Variants in PXDNL observed in about 807,000 individuals in gnomAD.
The protein encoded by PXDNL is peroxidasin like, also known as probable oxidoreductase PXDNL.
A neutral mutation model predicts 150.8 loss-of-function variants in PXDNL; 145 were observed. The ratio of observed to expected loss-of-function variants is 0.96; its 90% confidence interval spans 0.84 to 1.10. The LOEUF (loss-of-function observed/expected upper bound fraction) is 1.10. PXDNL is among the 50% of genes least tolerant of loss of function. PXDNL has a pLI of 0.00. For missense variants in PXDNL, 2,087 were observed against 1,873.9 expected (o/e 1.11, Z -2.10); for synonymous variants, 757 against 725.7 (o/e 1.04, Z -0.69).
At chr8:51,565,489 T>G (rs951180493) in intron 3 of PXDNL, among the ~76,000 whole-genome samples, 1 of 151,778 alleles carries the variant, frequency 6.6e-6, no homozygotes, top group Non-Finnish European at 1.5e-5. Context: ...TTAGGTACTC[T>G]GCACACTATA....
At chr8:51,808,401 A>G (rs543625341) in intron 1 of PXDNL, among the ~76,000 whole-genome samples, 1 of 152,308 alleles carries the variant, frequency 6.6e-6, no homozygotes, top group South Asian at 2.1e-4. Flanking sequence ...AATAGACCCT[A>G]GAAACAGATC....
intron 1 of PXDNL, among the ~76,000 whole-genome samples, chr8:51,675,235 G>T (rs987151988): frequency 3.9e-5 from 6 of 152,036 alleles, no homozygotes; most frequent in African/African-American, 1.5e-4. Flanking sequence ...TTAAGAGGTG[G>T]GGCCTTTAAG....
At chr8:51,462,279 T>C (rs892939962) in intron 8 of PXDNL, among the ~76,000 whole-genome samples, 1 of 152,140 alleles carries the variant, frequency 6.6e-6, no homozygotes, top group Admixed American at 6.5e-5. Context: ...CTGTACTGAC[T>C]CCCCAGCAAT....
intron 1 of PXDNL, among the ~76,000 whole-genome samples, chr8:51,676,067 A>G (rs954319843): frequency 6.6e-6 from 1 of 152,238 alleles, no homozygotes; most frequent in African/African-American, 2.4e-5. Flanking sequence ...AACAGGGTTA[A>G]GATAATCACA....
intron 17 of PXDNL, among the ~76,000 whole-genome samples, chr8:51,406,576 T>C (rs981362941): frequency 1.3e-5 from 2 of 152,158 alleles, no homozygotes; most frequent in African/African-American, 4.8e-5. Flanking sequence ...CTCAACCCCA[T>C]GCCTTCCTGC....
At chr8:51,500,492 T>C (rs1811157064) in intron 4 of PXDNL, among the ~76,000 whole-genome samples, 1 of 152,216 alleles carries the variant, frequency 6.6e-6, no homozygotes, top group Admixed American at 6.5e-5. Flanking sequence ...AGCAGACAGT[T>C]GAGCAGACCT....
At chr8:51,474,867 C>T (rs1585502757) in intron 7 of PXDNL, 105 bp downstream of exon 7, 2 of 962,210 alleles carry the variant, frequency 2.1e-6, no homozygotes, top group East Asian at 5.5e-5. Context: ...AAAACACTTT[C>T]TGATAACACG....
intron 1 of PXDNL, among the ~76,000 whole-genome samples, chr8:51,663,817 C>T (rs1469571777): frequency 6.6e-6 from 1 of 151,960 alleles, no homozygotes; most frequent in Non-Finnish European, 1.5e-5. Flanking sequence ...TTGGGAAGCC[C>T]GAGACAGGCA....
intron 17 of PXDNL, among the ~76,000 whole-genome samples, chr8:51,376,809 C>G (rs1249886294): frequency 6.6e-6 from 1 of 151,894 alleles, no homozygotes; most frequent in Non-Finnish European, 1.5e-5. Context: ...AGCTCCACCT[C>G]CCGGGTTCAC....
At chr8:51,766,267 A>G (rs1442732176) in intron 1 of PXDNL, among the ~76,000 whole-genome samples, 2 of 151,732 alleles carry the variant, frequency 1.3e-5, no homozygotes, top group Admixed American at 6.6e-5. Flanking sequence ...TTCCCTTCCC[A>G]CTCTTCTATA....
rs1263348749 is a variant in PXDNL at position 51,739,334 on chromosome 8, CAA to C, written c.164+69845_164+69846del. On this transcript the variant is annotated intron_variant, in intron 1 of 22. Transcript: ENST00000356297. The stretch of plus-strand genomic sequence containing the variant: ...GAAAGATTTCTTCTAAGATCAAGAA[CAA>C]AAAAATGATTTCCCCTAAGATTAGA... Among the ~76,000 whole-genome samples the C allele has an allele frequency of 3.9e-5, 6 of 151,936 alleles. No individual in the cohort carries two copies. In the East Asian group the frequency reaches 1.2e-3, roughly 29 times the overall value.
At chr8:51,666,017 T>C (rs998136309) in intron 1 of PXDNL, among the ~76,000 whole-genome samples, 1 of 152,234 alleles carries the variant, frequency 6.6e-6, no homozygotes, top group Non-Finnish European at 1.5e-5. Flanking sequence ...GATATTTGGA[T>C]ACCAATGATA....
chr8:51,660,336 G>T (rs1815246204), intron 1 of PXDNL, among the ~76,000 whole-genome samples: 1 of 152,174 alleles, frequency 6.6e-6, no homozygotes, highest in Non-Finnish European at 1.5e-5. Context: ...GTCTGAACTT[G>T]AGCCCCTTCC....
At chr8:51,514,644 AC>A (rs1159167164) in intron 4 of PXDNL, among the ~76,000 whole-genome samples, 3 of 151,732 alleles carry the variant, frequency 2.0e-5, no homozygotes, top group African/African-American at 7.3e-5. Context: ...GTGCTCCTGA[AC>A]CCCCTGTTCA....
chr8:51,670,173 G>T (rs1199097903), intron 1 of PXDNL, among the ~76,000 whole-genome samples: 11 of 152,102 alleles, frequency 7.2e-5, no homozygotes, highest in Admixed American at 6.5e-4. Flanking sequence ...AGGAGGCAGA[G>T]GTTGCAGTGA....
intron 2 of PXDNL, 71 bp downstream of exon 2, chr8:51,654,618 C>CT: frequency 8.5e-7 from 1 of 1,170,786 alleles, no homozygotes; most frequent in Non-Finnish European, 1.3e-6. Context: ...CTCAGAATGA[C>CT]TTTCACGGTA....
At chr8:51,509,747 C>CATATATATAT (rs767383011) in intron 4 of PXDNL, among the ~76,000 whole-genome samples, 1,129 of 99,108 alleles carry the variant, frequency 0.011, 16 homozygotes, top group South Asian at 0.076. Context: ...TATATACACA[C>CATATATATAT]ACACACACAC....
intron 1 of PXDNL, among the ~76,000 whole-genome samples, chr8:51,715,097 G>C (rs1007741208): frequency 6.6e-6 from 1 of 152,126 alleles, no homozygotes; most frequent in African/African-American, 2.4e-5. Context: ...ATTAAATGTA[G>C]TATATATCTG....
chr8:51,746,883 A>T lies in PXDNL; in HGVS notation c.164+62298T>A, dbSNP rs1183785584. 2.0e-5 allele frequency among the ~76,000 whole-genome samples: 3 copies of T among 151,876 alleles called. No individual in the cohort carries two copies. In the East Asian group the frequency reaches 5.8e-4, roughly 29 times the overall value. On this transcript the variant is annotated intron_variant, in intron 1 of 22. Coordinates refer to ENST00000356297, the MANE Select transcript of PXDNL (RefSeq NM_144651.5). ...ACTACAGGTGCACGCCACCACACCC[A>T]GTTAACTTTTGTATTTTTTTGTAGA...
Sources: allele counts gnomAD v4.1 joint callset (sites outside exome capture counted in the v4.1 genomes callset), GRCh38; gene constraint gnomAD v4.1.1; transcripts MANE v1.5; gene names NCBI Gene and HGNC (gene_info 2026-07-23, HGNC 2026-07-21).